MYO1F: variants seen among roughly 807,000 people sequenced by gnomAD.
The protein encoded by MYO1F is myosin IF, also known as unconventional myosin-If.
MYO1F carries 60 observed loss-of-function variants against 146.6 expected under a neutral mutation model. The observed-to-expected ratio is 0.41, with a 90% confidence interval of 0.33 to 0.51. The LOEUF (loss-of-function observed/expected upper bound fraction) is 0.51, where lower values mean the gene tolerates loss of function less well. Ranked by LOEUF, MYO1F falls within the 20% of genes least tolerant of loss-of-function variation. The probability of loss-of-function intolerance (pLI) is 0.25; values close to 1 mark genes in which losing one functional copy is unlikely to be tolerated. For synonymous variants in MYO1F, 602 were observed against 602.1 expected (o/e 1.00, Z 0.00); for missense variants, 1,274 against 1,534.3 (o/e 0.83, Z 2.83).
At chr19:8,541,614 A>G (rs1454946753) in intron 15 of MYO1F, 2 of 417,256 alleles carry the variant, frequency 4.8e-6, no homozygotes, top group Non-Finnish European at 9.0e-6. Flanking sequence ...ATTTTAGTAG[A>G]GACAAGGTTT....
chr19:8,555,748 C>A lies in MYO1F; in HGVS notation c.52G>T (p.Gly18Cys), dbSNP rs547825192. 6.2e-7 allele frequency: 1 copy of A among 1,614,090 alleles called. No individual in the cohort carries two copies. Among genetic ancestry groups the A allele is most frequent in the South Asian group, 1.1e-5 (1 of 91,084 alleles). Residue 18 changes from glycine to cysteine, a missense_variant, in exon 2 of 28, where the codon GGC becomes TGC. Around this residue, in one of 2 missense-constraint regions of MYO1F, gnomAD observed 900 missense variants for 1,155.1 expected, o/e 0.78. Coordinates refer to ENST00000644032, the MANE Select transcript of MYO1F (RefSeq NM_012335.4). ...HWQSHNVKQS[G>C]VDDMVLLPQI... The stretch of plus-strand genomic sequence containing the variant: ...GGAAGAAGCACCATGTCATCCACGC[C>A]GCTCTGCTTCACGTTGTGGCTCTGC...
At chr19:8,545,577 C>A (rs369203052) in intron 13 of MYO1F, 73 bp downstream of exon 13, 1 of 1,281,646 alleles carries the variant, frequency 7.8e-7, no homozygotes, top group East Asian at 2.3e-5. Flanking sequence ...CACCCTTGGC[C>A]CTCCCCCTCA....
chr19:8,559,952 G>GAAA (rs60369992), intron 1 of MYO1F, among the ~76,000 whole-genome samples: 6 of 108,500 alleles, frequency 5.5e-5, no homozygotes, highest in East Asian at 2.7e-4. Flanking sequence ...CTCCATCTCA[G>GAAA]AAAAAAAAAA....
intron 1 of MYO1F, among the ~76,000 whole-genome samples, chr19:8,558,973 G>A (rs1292608937): frequency 6.6e-6 from 1 of 152,022 alleles, no homozygotes; most frequent in Non-Finnish European, 1.5e-5. Flanking sequence ...CTGCCTGCGG[G>A]GCTCAAGCGA....
intron 12 of MYO1F, among the ~76,000 whole-genome samples, chr19:8,546,344 A>C (rs751231670): frequency 2.5e-4 from 37 of 149,976 alleles, no homozygotes; most frequent in Non-Finnish European, 4.7e-4. Context: ...GATTACAGGC[A>C]TGAGCCACCG....
In MYO1F at chr19:8,550,668, C is replaced by T. The variant is rs201962739; in HGVS notation, c.798G>A (p.Pro266=). Residue 266 remains proline, a synonymous_variant, in exon 9 of 28, where the codon CCG becomes CCA. Coordinates refer to ENST00000644032, the MANE Select transcript of MYO1F (RefSeq NM_012335.4). ...TLSAMQVIGI[P]PSIQQLVLQL... ...GCAGGACCAGCTGCTGGATGCTGGG[C>T]GGGATCCCAATAACCTGCATAGCAC... is the stretch of plus-strand genomic sequence containing the variant. 1.1e-3 allele frequency: 1,842 copies of T among 1,614,078 alleles called. 4 individuals carry two copies. Among genetic ancestry groups the T allele is most frequent in the Middle Eastern group, 8.4e-3 (51 of 6,062 alleles).
chr19:8,540,058 G>A, intron 15 of MYO1F, 30 bp from the exon 16 acceptor site: 1 of 1,587,632 alleles, frequency 6.3e-7, no homozygotes, highest in South Asian at 1.1e-5. Flanking sequence ...GGAGGAGTTG[G>A]AGGTATGGCT....
chr19:8,532,989 G>A (rs1204102290), intron 19 of MYO1F, among the ~76,000 whole-genome samples: 1 of 151,074 alleles, frequency 6.6e-6, no homozygotes, highest in African/African-American at 2.4e-5. Flanking sequence ...TTCACCCAGA[G>A]TGCTTTCCCA....
chr19:8,564,984 G>A (rs773798417), intron 1 of MYO1F, among the ~76,000 whole-genome samples: 1 of 151,756 alleles, frequency 6.6e-6, no homozygotes, highest in Non-Finnish European at 1.5e-5. Context: ...CGTTGGACAC[G>A]CTCATCTCGA....
chr19:8,573,851 G>A (rs1220991055), intron 1 of MYO1F, among the ~76,000 whole-genome samples: 2 of 151,890 alleles, frequency 1.3e-5, no homozygotes, highest in African/African-American at 4.8e-5. Context: ...CTCTGTCTCA[G>A]AAACAAAACA....
intron 19 of MYO1F, among the ~76,000 whole-genome samples, chr19:8,535,718 C>T (rs1027017216): frequency 1.0e-4 from 15 of 150,706 alleles, no homozygotes; most frequent in African/African-American, 1.5e-4. Context: ...CTCGCTCTGT[C>T]GCCCAGGCTG....
chr19:8,538,562 G>A (rs936577413), intron 16 of MYO1F, among the ~76,000 whole-genome samples: 1 of 150,844 alleles, frequency 6.6e-6, no homozygotes, highest in African/African-American at 2.4e-5. Flanking sequence ...GATTACAGGT[G>A]TGAGCCATTG....
Position 8,567,595 on chromosome 19 carries a change from G to C in MYO1F, c.3+9712C>G, listed in dbSNP as rs570837520. 2.1e-4 allele frequency among the ~76,000 whole-genome samples: 32 copies of C among 152,312 alleles called. No individual in the cohort carries two copies. In the South Asian group the frequency reaches 6.6e-3, roughly 32 times the overall value. On this transcript the variant is annotated intron_variant, in intron 1 of 27. Coordinates refer to ENST00000644032, the MANE Select transcript of MYO1F (RefSeq NM_012335.4). ...TCATCTCGAACTCCCAACCTCAGGT[G>C]ATCCTCCCACCTCGGCCTCGCAAAG...
intron 1 of MYO1F, among the ~76,000 whole-genome samples, chr19:8,570,009 G>T (rs1263040653): frequency 5.9e-5 from 9 of 152,024 alleles, no homozygotes; most frequent in African/African-American, 2.2e-4. Flanking sequence ...AGGCTCAAGC[G>T]AATCCTCCTG....
Position 8,548,092 on chromosome 19 carries a change from A to G in MYO1F, c.1213T>C (p.Phe405Leu). ...ATTTGCTGCAGCTTCTCATTGACGA[A>G]GTTGATGCAAAACTGCTCGAAGCCA... is the stretch of plus-strand genomic sequence containing the variant. ...KNGFEQFCIN[F>L]VNEKLQQIFI... The change falls in exon 12 of 28, where the codon TTC becomes CTC. Residue 405 changes from phenylalanine to leucine, a missense_variant. Phe to Leu is a conservative substitution (Grantham distance 22). Coordinates refer to ENST00000644032, the MANE Select transcript of MYO1F (RefSeq NM_012335.4). The G allele has an allele frequency of 1.2e-6, 2 of 1,613,904 alleles. No homozygotes were observed. Among genetic ancestry groups the G allele is most frequent in the Non-Finnish European group, 1.7e-6 (2 of 1,179,994 alleles).
chr19:8,546,763 C>G, intron 12 of MYO1F, among the ~76,000 whole-genome samples: 1 of 152,144 alleles, frequency 6.6e-6, no homozygotes, highest in Non-Finnish European at 1.5e-5. Context: ...ACTACAAGCT[C>G]TGCCTCCTGG....
chr19:8,536,526 C>T lies in MYO1F; in HGVS notation c.1871G>A (p.Arg624His), dbSNP rs771067950. ...IRVRRAGFAY[R>H]RQFAKFLQRY... The stretch of plus-strand genomic sequence containing the variant: ...CTGCAGGAATTTGGCGAACTGGCGG[C>T]GGTAGGCGAAGCCGGCTCTGCGCAC... Residue 624 changes from arginine to histidine, a missense_variant, in exon 18 of 28, where the codon CGC becomes CAC. By Grantham distance (29) the Arg-to-His change is conservative. Around this residue, in one of 2 missense-constraint regions of MYO1F, gnomAD observed 900 missense variants for 1,155.1 expected, o/e 0.78. Transcript: ENST00000644032. 9.3e-6 allele frequency: 15 copies of T among 1,612,658 alleles called. No homozygotes were observed. Among genetic ancestry groups the T allele is most frequent in the African/African-American group, 2.7e-5 (2 of 74,530 alleles).
intron 14 of MYO1F, among the ~76,000 whole-genome samples, chr19:8,543,683 GGTGGTGGTGGTGGTGGTGGTGGT>G (rs1568348361): frequency 3.9e-5 from 2 of 50,896 alleles, no homozygotes; most frequent in Non-Finnish European, 7.0e-5. Flanking sequence ...TGCTGGTGGT[GGTGGTGGTGGTGGTGGTGGTGGT>G]GCTGGTGGTG....
chr19:8,551,709 G>C (rs1262966806), intron 8 of MYO1F, 31 bp downstream of exon 8: 1 of 1,614,036 alleles, frequency 6.2e-7, no homozygotes, highest in Admixed American at 1.7e-5. Flanking sequence ...GGTCTGCCTG[G>C]CCGGGGACTG....
Sources: gnomAD v4.1 joint callset for allele counts (sites outside exome capture counted in the v4.1 genomes callset) on GRCh38, gnomAD v4.1.1 for gene constraint, gnomAD v4.1.1 regional missense constraint, MANE v1.5 for transcripts, NCBI Gene and HGNC (gene_info 2026-07-23, HGNC 2026-07-21) for gene names.